Variants in PIDD1 observed in about 807,000 individuals in gnomAD.
PIDD1 encodes p53-induced death domain protein 1, also known as p53-induced death domain-containing protein 1.
PIDD1 carries 72 observed loss-of-function variants against 80.0 expected under a neutral mutation model. The ratio of observed to expected loss-of-function variants is 0.90; its 90% CI spans 0.74 to 1.09. PIDD1 has a LOEUF of 1.09. Among genes scored for constraint, PIDD1 ranks in the 50% least tolerant of loss-of-function variants. PIDD1 has a pLI of 0.00. For synonymous variants in PIDD1, 655 were observed against 543.5 expected, an observed-to-expected ratio of 1.21 and a Z score of -2.85; for missense variants, 1,329 against 1,228.3, an observed-to-expected ratio of 1.08 and a Z score of -1.23.
chr11:802,009 T>G lies in PIDD1; in HGVS notation c.1258A>C (p.Ser420Arg), dbSNP rs1187689208. ...AGGTAGGTCTCCAGGTCACCCCAGC[T>G]GTTGTCATTCCGGGTCCTGACCACC... ...EVVVRTRNDN[S>R]WGDLETYLEE... Residue 420 changes from serine to arginine, a missense_variant, in exon 7 of 16, where the codon AGC (serine) becomes CGC (arginine). Transcript: ENST00000347755. 6.2e-7 allele frequency: 1 copy of G among 1,603,568 alleles called. No individual in the cohort carries two copies. The highest frequency in any genetic ancestry group is 8.5e-7 in the Non-Finnish European group (1 of 1,175,714).
Position 800,385 on chromosome 11 carries a change from T to C in PIDD1, c.2108A>G (p.Glu703Gly). The C allele has an allele frequency of 6.3e-7, 1 of 1,597,464 alleles. No homozygotes were observed. The highest frequency in any genetic ancestry group is 8.5e-7 in the Non-Finnish European group (1 of 1,170,440). Reference sequence around the variant, plus strand: ...GTCCAGAGTGGTGGTCACGTATACCTCCTTCACATTCTTCAGGTGCGAGTA... The same window carrying C: ...GTCCAGAGTGGTGGTCACGTATACCCCCTTCACATTCTTCAGGTGCGAGTA... ...VFYSHLKNVK[E>G]VYVTTTLDRE... The change falls in exon 13 of 16, where the codon GAG becomes GGG. Residue 703 changes from glutamate (E) to glycine (G), a missense_variant. Glu to Gly is a moderately conservative substitution (Grantham distance 98). Coordinates refer to ENST00000347755, the MANE Select transcript of PIDD1 (RefSeq NM_145886.4).
In PIDD1 at chr11:804,119, G is replaced by C. The variant is rs201043804; in HGVS notation, c.270C>G (p.Ser90=). ...ATLAQLPQSL[S]CLRSLVLKGG... is the part of the protein sequence containing the mutation. ...CTTTGAGGACCAGGGAGCGGAGGCA[G>C]GACAGGCTCTGAGGCAGCTGGGCCA... Residue 90 remains serine (S), a synonymous_variant, in exon 2 of 16, where the codon TCC becomes TCG. Coordinates refer to ENST00000347755, the MANE Select transcript of PIDD1 (RefSeq NM_145886.4). 358 of 1,612,364 alleles carry C rather than the reference G, an allele frequency of 2.2e-4. 2 individuals carry two copies. The highest frequency in any genetic ancestry group is 2.8e-4 in the Non-Finnish European group (329 of 1,179,088).
Position 800,436 on chromosome 11 carries a change from A to T in PIDD1, c.2057T>A (p.Val686Glu). Reference protein sequence around the residue: ...IDVDADRPDCVEGRICFVFYS... With the variant: ...IDVDADRPDCEEGRICFVFYS... The stretch of plus-strand genomic sequence containing the variant: ...GAAGACAAAGCAGATTCTGCCCTCC[A>T]CACAGTCAGGGCGGTCTAGGGGACA... The change falls in exon 13 of 16, where the codon GTG becomes GAG. Residue 686 changes from valine to glutamate, a missense_variant. Val to Glu is a moderately radical substitution (Grantham distance 121). Transcript: ENST00000347755. 6.2e-7 allele frequency: 1 copy of T among 1,612,572 alleles called. No homozygotes were observed. The highest frequency in any genetic ancestry group is 8.5e-7 in the Non-Finnish European group (1 of 1,179,950).
chr11:805,112 G>T (rs1180063645), intron 1 of PIDD1, 67 bp downstream of exon 1: 3 of 686,014 alleles, frequency 4.4e-6, no homozygotes, highest in Non-Finnish European at 5.4e-6. Flanking sequence ...GGATGGGAAC[G>T]GCCCCCAGCC....
chr11:801,386 G>C, intron 8 of PIDD1, 21 bp from the exon 9 acceptor site: 1 of 1,601,748 alleles, frequency 6.2e-7, no homozygotes, highest in Non-Finnish European at 8.5e-7. Context: ...CAGGCCCCCT[G>C]AGCACCTGCC....
chr11:804,335 A>G lies in PIDD1; in HGVS notation c.54T>C (p.Asp18=). The part of the protein sequence containing the change: ...PELEAAAAAG[D]ASEDSDAGSR... ...ACCCTGCGTCCGAATCCTCTGAAGC[A>G]TCTCCTGCGGCAGCAGCTGCCTCCA... Residue 18 remains aspartate (D), a synonymous_variant, in exon 2 of 16, where the codon GAT becomes GAC. Coordinates refer to ENST00000347755, the MANE Select transcript of PIDD1 (RefSeq NM_145886.4). The G allele has an allele frequency of 6.2e-7, 1 of 1,610,764 alleles. No individual in the cohort carries two copies. Among genetic ancestry groups the G allele is most frequent in the South Asian group, 1.1e-5 (1 of 90,978 alleles).
chr11:802,660 C>T (rs866849157), intron 4 of PIDD1, 22 bp downstream of exon 4: 3 of 1,606,914 alleles, frequency 1.9e-6, no homozygotes, highest in Non-Finnish European at 2.6e-6. Flanking sequence ...CCCAGGTCTG[C>T]CCCTTCTAGC....
At position 805,171 on chromosome 11, in the gene PIDD1, G is replaced by A; in HGVS notation, c.-76+8C>T. The stretch of plus-strand genomic sequence containing the variant: ...CCGCCCCCTCCGCCCGCCCAGGCCG[G>A]CGCGTACCTGCGCTGCAGGCGGCGC... On this transcript the variant is annotated splice_region_variant and intron_variant, in intron 1 of 15. Coordinates refer to ENST00000347755, the MANE Select transcript of PIDD1 (RefSeq NM_145886.4). 1.0e-6 allele frequency: 1 copy of A among 980,780 alleles called. No homozygotes were observed. Among genetic ancestry groups the A allele is most frequent in the Non-Finnish European group, 1.2e-6 (1 of 825,846 alleles). The allele number at this position is 980,780 out of a possible 1,614,324, so 60.8% of individuals were successfully genotyped here.
Position 804,083 on chromosome 11 carries a change from G to A in PIDD1, c.295+11C>T. Reference sequence around the variant, plus strand: ...GAGATGGAGACAGGGCCCAGAACAGGTGGAACTCACCTTTGAGGACCAGGG... The same window carrying A: ...GAGATGGAGACAGGGCCCAGAACAGATGGAACTCACCTTTGAGGACCAGGG... On this transcript the variant is annotated intron_variant, in intron 2 of 15. Transcript: ENST00000347755. The A allele has an allele frequency of 1.3e-6, 2 of 1,599,238 alleles. No individual in the cohort carries two copies. The highest frequency in any genetic ancestry group is 2.2e-5 in the East Asian group (1 of 44,598).
At position 802,046 on chromosome 11, in the gene PIDD1, G is replaced by A. The variant is rs749420438; in HGVS notation, c.1221C>T (p.Arg407=). The change falls in exon 7 of 16, where the codon CGC becomes CGT. Residue 407 remains arginine (R), a synonymous_variant. Coordinates refer to ENST00000347755, the MANE Select transcript of PIDD1 (RefSeq NM_145886.4). ...WLLFTPPQAR[R]CREVVVRTRN... ...GGGTCCTGACCACCACTTCACGGCA[G>A]CGCCGGGCCTGCGGTGGGGTGAAGA... The A allele has an allele frequency of 6.3e-7, 1 of 1,591,638 alleles. No homozygotes were observed. Among genetic ancestry groups the A allele is most frequent in the Non-Finnish European group, 8.5e-7 (1 of 1,169,792 alleles).
At position 802,601 on chromosome 11, in the gene PIDD1, T is replaced by C. The variant is rs1865454369; in HGVS notation, c.920-4A>G. The C allele has an allele frequency of 1.2e-6, 2 of 1,612,820 alleles. No individual in the cohort carries two copies. Among genetic ancestry groups the C allele is most frequent in the African/African-American group, 2.7e-5 (2 of 74,910 alleles). ...ATTTCTGGAATGAGGGCTGCCACTG[T>C]GCAGGGGACAGACATGTGCTCAGGA... On this transcript the variant is annotated splice_region_variant and splice_polypyrimidine_tract_variant and intron_variant, in intron 4 of 15. Transcript: ENST00000347755.
rs140671377 is a variant in PIDD1 at position 800,213 on chromosome 11, C to T, written c.2192G>A (p.Arg731Gln). 2,599 of 1,610,242 alleles carry T rather than the reference C, an allele frequency of 1.6e-3. 10 individuals are homozygous for T. Among genetic ancestry groups the T allele is most frequent in the South Asian group, 6.6e-3 (596 of 90,892 alleles). ...GGCAGCCTCAGCCTCCTCGGGCACC[C>T]GCACAGGCACCGCGCCACGGTAGAA... Reference protein sequence around the residue: ...VSFYRGAVPVRVPEEAEAARQ... With the variant: ...VSFYRGAVPVQVPEEAEAARQ... The change falls in exon 14 of 16, where the codon CGG becomes CAG. Residue 731 changes from arginine to glutamine, a missense_variant. Transcript: ENST00000347755.
chr11:807,449 A>G (rs1865836532), upstream of PIDD1, among the ~76,000 whole-genome samples: 1 of 151,872 alleles, frequency 6.6e-6, no homozygotes, highest in South Asian at 2.1e-4. Flanking sequence ...ACTGCACTCC[A>G]GCCTGGGCTA....
chr11:805,018 G>A (rs1166643519), intron 1 of PIDD1, 161 bp downstream of exon 1: 1 of 169,122 alleles, frequency 5.9e-6, no homozygotes, highest in South Asian at 1.9e-4. Flanking sequence ...GTCCACTGGG[G>A]AGGGTGGTGC....
Position 801,434 on chromosome 11 carries a change from C to T in PIDD1, c.1482+11G>A, listed in dbSNP as rs1336739151. The stretch of plus-strand genomic sequence containing the variant: ...CGCGGCCTGCCACCCTCAGTGCTGT[C>T]CTGGCCATACCTGCATGGAGACTCG... On this transcript the variant is annotated intron_variant, in intron 8 of 15. Coordinates refer to ENST00000347755, the MANE Select transcript of PIDD1 (RefSeq NM_145886.4). 6.4e-7 allele frequency: 1 copy of T among 1,552,986 alleles called. No homozygotes were observed. Among genetic ancestry groups the T allele is most frequent in the East Asian group, 2.3e-5 (1 of 43,742 alleles).
chr11:806,853 G>A (rs1382405051), upstream of PIDD1, among the ~76,000 whole-genome samples: 1 of 152,178 alleles, frequency 6.6e-6, no homozygotes, highest in Non-Finnish European at 1.5e-5. Flanking sequence ...AAAGTGCTGG[G>A]ATTACAGGTT....
At chr11:803,774 A>T in intron 2 of PIDD1, 187 bp from the exon 3 acceptor site, 1 of 675,084 alleles carries the variant, frequency 1.5e-6, no homozygotes, top group Non-Finnish European at 2.5e-6. Context: ...GCAGGGGTGG[A>T]GACCACCGGC....
Position 800,757 on chromosome 11 carries a change from C to G in PIDD1, c.1917+5G>C. ...ACCCTGCTGCCCTCCGGCCCGTGCC[C>G]CCACCTTGTTTCGGGGCAGGCACTG... On this transcript the variant is annotated splice_donor_5th_base_variant and intron_variant, in intron 11 of 15. Coordinates refer to ENST00000347755, the MANE Select transcript of PIDD1 (RefSeq NM_145886.4). 1 of 1,547,030 alleles carries G rather than the reference C, an allele frequency of 6.5e-7. No individual in the cohort carries two copies. The highest frequency in any genetic ancestry group is 1.2e-5 in the South Asian group (1 of 84,734).
chr11:799,891 C>A lies in PIDD1; in HGVS notation c.2398G>T (p.Gly800Cys). The change falls in exon 15 of 16, where the codon GGT becomes TGT. Residue 800 changes from glycine to cysteine, a missense_variant. Coordinates refer to ENST00000347755, the MANE Select transcript of PIDD1 (RefSeq NM_145886.4). ...SNLLSVAGRL[G>C]LDWPAVALHL... Reference sequence around the variant, plus strand: ...AGGGCCACGGCTGGCCAGTCCAGACCCAGACGCCCAGCCACACTCAGCAGG... The same window carrying A: ...AGGGCCACGGCTGGCCAGTCCAGACACAGACGCCCAGCCACACTCAGCAGG... 1 of 1,612,044 alleles carries A rather than the reference C, an allele frequency of 6.2e-7. No homozygotes were observed. The highest frequency in any genetic ancestry group is 8.5e-7 in the Non-Finnish European group (1 of 1,179,772).
Sources: gnomAD v4.1 joint callset for allele counts (sites outside exome capture counted in the v4.1 genomes callset) on GRCh38, gnomAD v4.1.1 for gene constraint, MANE v1.5 for transcripts, NCBI Gene and HGNC (gene_info 2026-07-23, HGNC 2026-07-21) for gene names.